The following AIDA variants were observed in gnomAD, a reference collection of about 807,000 sequenced individuals.
The protein encoded by AIDA is axin interactor, dorsalization associated.
Under a neutral mutation model 42.7 loss-of-function variants are expected in AIDA, and 18 were observed. The ratio of observed to expected loss-of-function variants is 0.42; its 90% CI spans 0.29 to 0.63. AIDA has a LOEUF of 0.63. Among genes scored for constraint, AIDA ranks in the 20% least tolerant of loss-of-function variants. The pLI is 0.19. For synonymous variants in AIDA, 104 were observed against 122.9 expected, an observed-to-expected ratio of 0.85 and a Z score of 1.02; for missense variants, 250 against 354.1, an observed-to-expected ratio of 0.71 and a Z score of 2.36.
intron 5 of AIDA, 31 bp from the exon 6 acceptor site, chr1:222,687,067 A>G: frequency 6.2e-7 from 1 of 1,603,164 alleles, no homozygotes; most frequent in Admixed American, 1.7e-5. Flanking sequence ...AAAAACAACA[A>G]ACTGCAAAAC....
chr1:222,691,101 G>A (rs1057129626), intron 4 of AIDA, among the ~76,000 whole-genome samples: 4 of 152,128 alleles, frequency 2.6e-5, no homozygotes, highest in Non-Finnish European at 2.9e-5. Context: ...AGGTAGACAG[G>A]GTAAGCCTTT....
At chr1:222,698,490 T>C (rs1655582938) in intron 2 of AIDA, among the ~76,000 whole-genome samples, 1 of 151,090 alleles carries the variant, frequency 6.6e-6, no homozygotes, top group African/African-American at 2.4e-5. Flanking sequence ...TCACTCTTGT[T>C]GCCCAGGCTC....
chr1:222,675,518 A>C (rs1195735282), intron 7 of AIDA, among the ~76,000 whole-genome samples: 1 of 152,254 alleles, frequency 6.6e-6, no homozygotes, highest in African/African-American at 2.4e-5. Flanking sequence ...GTTAAGGATA[A>C]GAAATACTTC....
Position 222,693,838 on chromosome 1 carries a change from T to C in AIDA, c.240A>G (p.Thr80=), listed in dbSNP as rs1171147585. The change falls in exon 4 of 10, where the codon ACA becomes ACG. Residue 80 remains threonine (T), a synonymous_variant. Coordinates refer to ENST00000340020, the MANE Select transcript of AIDA (RefSeq NM_022831.4). ...CCAGTTTAAATTCTTCTTGAGACTG[T>C]GTGGACTAAATTTAAAATAAGCATA... is the stretch of plus-strand genomic sequence containing the variant. The part of the protein sequence containing the change: ...LELRSAALQS[T]QSQEEFKLED... The C allele has an allele frequency of 8.1e-6, 13 of 1,607,568 alleles. No individual in the cohort carries two copies. The highest frequency in any genetic ancestry group is 1.1e-5 in the Non-Finnish European group (13 of 1,175,490).
At chr1:222,703,829 ATC>A (rs1655774400) in intron 1 of AIDA, among the ~76,000 whole-genome samples, 1 of 152,192 alleles carries the variant, frequency 6.6e-6, no homozygotes, top group Non-Finnish European at 1.5e-5. Context: ...TAGTGGATGG[ATC>A]TATATTATTA....
intron 7 of AIDA, 70 bp from the exon 8 acceptor site, chr1:222,673,505 G>A (rs571417541): frequency 1.3e-4 from 181 of 1,348,480 alleles, no homozygotes; most frequent in Middle Eastern, 1.9e-4. Context: ...GGCCAGGCAC[G>A]GTGGCTCACG....
rs531497346 is a variant in AIDA, at chr1:222,695,491, C to CA, written c.181-1229dup. ...TGGGTAACAGAGTGAGACTCCATCT[C>CA]AAAAAAAAAGAAGACTATTGTGATA... On this transcript the variant is annotated intron_variant, in intron 2 of 9. Transcript: ENST00000340020. Among the ~76,000 whole-genome samples, 44 of 148,970 alleles carry CA rather than the reference C, an allele frequency of 3.0e-4. No individual in the cohort carries two copies. The South Asian group carries it at 4.0e-3, about 14-fold the overall frequency.
At chr1:222,689,747 A>G (rs1323182423) in intron 4 of AIDA, among the ~76,000 whole-genome samples, 1 of 151,816 alleles carries the variant, frequency 6.6e-6, no homozygotes, top group Non-Finnish European at 1.5e-5. Context: ...ATTTATTATT[A>G]AAGACAGGAT....
At chr1:222,689,164 G>A (rs758352143) in intron 4 of AIDA, among the ~76,000 whole-genome samples, 4 of 151,810 alleles carry the variant, frequency 2.6e-5, no homozygotes, top group East Asian at 3.9e-4. Context: ...TGTGGCTGGC[G>A]CATTGGTTCA....
chr1:222,690,059 G>A (rs775738643), intron 4 of AIDA, among the ~76,000 whole-genome samples: 16 of 152,190 alleles, frequency 1.1e-4, no homozygotes, highest in Non-Finnish European at 2.2e-4. Context: ...GGTTGTAGAG[G>A]TTTGTAGCCT....
At chr1:222,686,747 C>T (rs1227847357) in intron 6 of AIDA, among the ~76,000 whole-genome samples, 183 bp downstream of exon 6, 1 of 152,150 alleles carries the variant, frequency 6.6e-6, no homozygotes, top group Non-Finnish European at 1.5e-5. Context: ...GGACCCCTGA[C>T]ACAGATAGTA....
intron 2 of AIDA, among the ~76,000 whole-genome samples, chr1:222,697,292 A>G (rs1339229086): frequency 6.7e-6 from 1 of 148,540 alleles, no homozygotes; most frequent in African/African-American, 2.4e-5. Flanking sequence ...AAATACCTCC[A>G]TAGGCATTAT....
intron 1 of AIDA, among the ~76,000 whole-genome samples, chr1:222,706,810 A>AC (rs1403727758): frequency 4.7e-5 from 6 of 128,022 alleles, no homozygotes; most frequent in African/African-American, 1.8e-4. Context: ...AGCCTAGATC[A>AC]CCCCCCTGCA....
intron 2 of AIDA, among the ~76,000 whole-genome samples, chr1:222,695,217 C>T (rs919239718): frequency 3.3e-5 from 5 of 152,314 alleles, no homozygotes; most frequent in Admixed American, 2.0e-4. Flanking sequence ...TGTGGCCGGG[C>T]GTGGTAGCTC....
chr1:222,709,477 G>A (rs146350145), intron 1 of AIDA, among the ~76,000 whole-genome samples: 24 of 152,266 alleles, frequency 1.6e-4, no homozygotes, highest in African/African-American at 5.8e-4. Context: ...TTTGATTGTG[G>A]TAAGTACCAT....
chr1:222,689,518 T>TACACAC (rs1401314000), intron 4 of AIDA, among the ~76,000 whole-genome samples: 2 of 68,960 alleles, frequency 2.9e-5, no homozygotes, highest in Non-Finnish European at 5.7e-5. Flanking sequence ...TATATATATA[T>TACACAC]ATACACACAT....
At chr1:222,711,796 A>G (rs750455889) in intron 1 of AIDA, 21 of 198,206 alleles carry the variant, frequency 1.1e-4, no homozygotes, top group Non-Finnish European at 2.0e-4. Flanking sequence ...ACGTGGGCGG[A>G]GAACACACAA....
intron 1 of AIDA, chr1:222,711,301 G>A (rs1656023571): frequency 6.6e-6 from 1 of 152,062 alleles, no homozygotes; most frequent in Non-Finnish European, 1.5e-5. Context: ...TATTTTTTAA[G>A]ACAACCCTGA....
chr1:222,689,617 GTA>G (rs1465027682), intron 4 of AIDA, among the ~76,000 whole-genome samples: 1 of 133,088 alleles, frequency 7.5e-6, no homozygotes, highest in Non-Finnish European at 1.6e-5. Context: ...ACACACACAC[GTA>G]TATATATTTG....
Sources: gnomAD v4.1 joint callset for allele counts (sites outside exome capture counted in the v4.1 genomes callset) on GRCh38, gnomAD v4.1.1 for gene constraint, MANE v1.5 for transcripts, NCBI Gene and HGNC (gene_info 2026-07-23, HGNC 2026-07-21) for gene names.